ITGB3: variants seen among roughly 807,000 people sequenced by gnomAD.
ITGB3 encodes integrin subunit beta 3.
ITGB3 carries 48 observed loss-of-function variants against 85.8 expected under a neutral mutation model. The observed-to-expected ratio is 0.56, with a 90% CI of 0.44 to 0.71. The LOEUF is 0.71. Ranked by LOEUF, ITGB3 falls within the 30% of genes least tolerant of loss-of-function variation. The pLI is 0.00. For synonymous variants in ITGB3, 363 were observed against 395.6 expected, an observed-to-expected ratio of 0.92 and a Z score of 0.98; for missense variants, 861 against 1,019.1, an observed-to-expected ratio of 0.84 and a Z score of 2.11.
At chr17:47,269,142 G>T (rs1048664988) in intron 1 of ITGB3, among the ~76,000 whole-genome samples, 1 of 152,194 alleles carries the variant, frequency 6.6e-6, no homozygotes, top group Non-Finnish European at 1.5e-5. Flanking sequence ...ATAGCAGGGA[G>T]GCCCTGGGCC....
chr17:47,307,422 G>T, intron 13 of ITGB3, 49 bp from the exon 14 acceptor site: 1 of 1,606,118 alleles, frequency 6.2e-7, no homozygotes, highest in South Asian at 1.1e-5. Context: ...CAGTTCAAGT[G>T]ACTCCTGCTT....
At chr17:47,300,053 T>A (rs1375636543) in intron 11 of ITGB3, among the ~76,000 whole-genome samples, 1 of 152,220 alleles carries the variant, frequency 6.6e-6, no homozygotes, top group African/African-American at 2.4e-5. Flanking sequence ...ATGCTTGTTT[T>A]AATGCTCTGC....
At position 47,311,331 on chromosome 17, in the gene ITGB3, G is replaced by A. The variant is rs1451893164; in HGVS notation, c.*1127G>A. ...GTTGGCTGGGAATAAGTGCCAGGAT[G>A]GAATGATGGGTCAGTTGTATCAGCA... On this transcript the variant is annotated 3_prime_UTR_variant, in exon 15 of 15. Coordinates refer to ENST00000559488, the MANE Select transcript of ITGB3 (RefSeq NM_000212.3). 1 of 152,748 alleles carries A rather than the reference G, an allele frequency of 6.5e-6. No homozygotes were observed. The highest frequency in any genetic ancestry group is 1.9e-4 in the East Asian group (1 of 5,220). 9.5% of individuals were successfully genotyped at this position (152,748 alleles called of 1,614,324 possible).
At chr17:47,301,116 T>A (rs567363405) in intron 12 of ITGB3, among the ~76,000 whole-genome samples, 3 of 152,240 alleles carry the variant, frequency 2.0e-5, no homozygotes, top group Admixed American at 6.5e-5. Context: ...CCTTTTGAAA[T>A]AAGACAGACA....
At chr17:47,309,102 C>T (rs2065202887) in intron 14 of ITGB3, among the ~76,000 whole-genome samples, 1 of 151,208 alleles carries the variant, frequency 6.6e-6, no homozygotes, top group South Asian at 2.1e-4. Context: ...TGCTGGAGTG[C>T]AGTGGTGCCA....
intron 13 of ITGB3, among the ~76,000 whole-genome samples, chr17:47,304,790 T>C (rs12950632): frequency 0.084 from 12,852 of 152,114 alleles, 795 homozygotes; most frequent in East Asian, 0.22. Flanking sequence ...GTATTTTTAG[T>C]AGAGACAGGG....
Position 47,306,565 on chromosome 17 carries a change from C to T in ITGB3, c.2135-906C>T, listed in dbSNP as rs556758460. On this transcript the variant is annotated intron_variant, in intron 13 of 14. Coordinates refer to ENST00000559488, the MANE Select transcript of ITGB3 (RefSeq NM_000212.3). The stretch of plus-strand genomic sequence containing the variant: ...GTGCTGGCATTATAGGCATGAGCCA[C>T]TGGGCCTGGCCTGGATTTTCTTTTT... Among the ~76,000 whole-genome samples the T allele has an allele frequency of 6.6e-5, 10 of 152,318 alleles. No individual in the cohort carries two copies. In the East Asian group the frequency reaches 1.5e-3, roughly 23 times the overall value.
rs368760963 is a variant in ITGB3, at chr17:47,271,772, G to A, written c.80-2647G>A. Among the ~76,000 whole-genome samples the A allele has an allele frequency of 3.3e-5, 5 of 152,304 alleles. No individual in the cohort carries two copies. The East Asian group carries it at 7.7e-4, about 24-fold the overall frequency. On this transcript the variant is annotated intron_variant, in intron 1 of 14. Transcript: ENST00000559488. ...ATTTATTTATTTATTTTGAGACAGAGTCTTGCTCTTGTTGCCCAGGTGGAG... is the reference window on the plus strand; with the variant it reads ...ATTTATTTATTTATTTTGAGACAGAATCTTGCTCTTGTTGCCCAGGTGGAG...
Position 47,292,174 on chromosome 17 carries a change from T to TG in ITGB3, c.1296_1297insG (p.Pro433AlafsTer26), listed in dbSNP as rs1467644242. 1 of 1,614,060 alleles carries TG rather than the reference T, an allele frequency of 6.2e-7. No homozygotes were observed. The highest frequency in any genetic ancestry group is 8.5e-7 in the Non-Finnish European group (1 of 1,180,036). On this transcript the variant is annotated frameshift_variant, in exon 10 of 15. Coordinates refer to ENST00000559488, the MANE Select transcript of ITGB3 (RefSeq NM_000212.3). LOFTEE classifies it high-confidence loss of function. ...GCATTGAGGCCAAGGTGCGAGGCTG[T>TG]CCCCAGGAGAAGGAGAAGTCCTTTA...
intron 2 of ITGB3, 49 bp from the exon 3 acceptor site, chr17:47,283,305 T>G: frequency 6.3e-7 from 1 of 1,586,560 alleles, no homozygotes; most frequent in Non-Finnish European, 8.6e-7. Flanking sequence ...AGGTAGAGAG[T>G]CGCCATAGCT....
intron 1 of ITGB3, among the ~76,000 whole-genome samples, chr17:47,269,761 T>C (rs531429669): frequency 1.1e-4 from 16 of 152,236 alleles, no homozygotes; most frequent in Non-Finnish European, 1.8e-4. Context: ...TTTCTGCCTG[T>C]TACTCAGTTC....
At chr17:47,259,505 T>A (rs1257359700) in intron 1 of ITGB3, 3 of 152,164 alleles carry the variant, frequency 2.0e-5, no homozygotes, top group Non-Finnish European at 2.9e-5. Context: ...GTTGAGTTAG[T>A]TCAATTTCTT....
intron 6 of ITGB3, among the ~76,000 whole-genome samples, chr17:47,289,348 C>G (rs980522265): frequency 1.3e-5 from 2 of 151,588 alleles, no homozygotes; most frequent in Non-Finnish European, 2.9e-5. Context: ...TTTTTAGAGA[C>G]AGAGTCTTGC....
rs2065159435 is a variant in ITGB3, at chr17:47,299,818, A to T, written c.1913+288A>T. Among the ~76,000 whole-genome samples the T allele has an allele frequency of 6.6e-6, 1 of 152,218 alleles. No homozygotes were observed. The highest frequency in any genetic ancestry group is 1.5e-5 in the Non-Finnish European group (1 of 68,026). ...CTGGGAGGAAGGCTAAACCAGTCTG[A>T]GGAACAATCCAGTGCTAATGTTCTG... On this transcript the variant is annotated intron_variant, in intron 11 of 14. Coordinates refer to ENST00000559488, the MANE Select transcript of ITGB3 (RefSeq NM_000212.3). This position sits in a 1 kb window ranked among gnomAD's most constrained non-coding sequence, Gnocchi z 5.1.
At chr17:47,291,354 G>A (rs572420650) in intron 9 of ITGB3, 10 of 598,514 alleles carry the variant, frequency 1.7e-5, no homozygotes, top group Non-Finnish European at 2.7e-5. Flanking sequence ...ACCTTTGTTT[G>A]TGTATGCACA....
chr17:47,254,019 C>T, intron 1 of ITGB3, 79 bp downstream of exon 1: 1 of 967,172 alleles, frequency 1.0e-6, no homozygotes, highest in South Asian at 2.2e-5. Flanking sequence ...TTGGAGCCGG[C>T]AAACGCGGAG....
At chr17:47,261,616 T>C (rs1313680640) in intron 1 of ITGB3, among the ~76,000 whole-genome samples, 3 of 149,856 alleles carry the variant, frequency 2.0e-5, no homozygotes, top group African/African-American at 2.5e-5. Flanking sequence ...GCCTCCTGGG[T>C]TCAAGCAATT....
In ITGB3 at chr17:47,313,242, G is replaced by A. The variant is rs1348198356; in HGVS notation, c.*3038G>A. Among the ~76,000 whole-genome samples the A allele has an allele frequency of 6.6e-6, 1 of 152,120 alleles. No individual in the cohort carries two copies. The highest frequency in any genetic ancestry group is 1.5e-5 in the Non-Finnish European group (1 of 68,020). ...ACCTTCCTCGGCCTCCCACAGTGCTGGGATTACAAGTGTGAAGCACTGTGC... is the reference window on the plus strand; with the variant it reads ...ACCTTCCTCGGCCTCCCACAGTGCTAGGATTACAAGTGTGAAGCACTGTGC... On this transcript the variant is annotated 3_prime_UTR_variant, in exon 15 of 15. Transcript: ENST00000559488.
intron 10 of ITGB3, among the ~76,000 whole-genome samples, chr17:47,293,926 T>C (rs2065136811): frequency 6.6e-6 from 1 of 152,204 alleles, no homozygotes; most frequent in Admixed American, 6.5e-5. Context: ...CTCTAATCAG[T>C]TGAGCTAATC....
Sources: allele counts gnomAD v4.1 joint callset (sites outside exome capture counted in the v4.1 genomes callset), GRCh38; gene constraint gnomAD v4.1.1; non-coding constraint Gnocchi (gnomAD v3.1); transcripts MANE v1.5; gene names NCBI Gene and HGNC (gene_info 2026-07-23, HGNC 2026-07-21).